The following ACSM3 variants were observed in gnomAD, a reference collection of about 807,000 sequenced individuals.
ACSM3 encodes acyl-coenzyme A synthetase ACSM3, mitochondrial.
Under a neutral mutation model 74.1 loss-of-function variants are expected in ACSM3, and 61 were observed. The observed-to-expected ratio is 0.82, with a 90% CI of 0.67 to 1.02. ACSM3 has a LOEUF of 1.02. ACSM3 is among the 50% of genes least tolerant of loss of function. ACSM3 has a pLI of 0.00. For synonymous variants in ACSM3, 213 were observed against 241.5 expected (o/e 0.88, Z 1.09); for missense variants, 660 against 697.0 (o/e 0.95, Z 0.60).
intron 1 of ACSM3, among the ~76,000 whole-genome samples, chr16:20,713,152 T>C (rs1250598998): frequency 1.3e-5 from 2 of 152,178 alleles, no homozygotes; most frequent in Non-Finnish European, 2.9e-5. Flanking sequence ...ATCTTATCCA[T>C]ACAATGGAGA....
chr16:20,733,221 G>A (rs921444488), intron 1 of ACSM3, among the ~76,000 whole-genome samples: 6 of 152,072 alleles, frequency 3.9e-5, no homozygotes, highest in Non-Finnish European at 7.4e-5. Flanking sequence ...GTTTAAAATT[G>A]CAGGAGTCAA....
At chr16:20,776,095 G>A in intron 3 of ACSM3, 46 bp downstream of exon 3, 1 of 1,592,226 alleles carries the variant, frequency 6.3e-7, no homozygotes, top group South Asian at 1.1e-5. Context: ...TAAGCTGGAG[G>A]GGAGATTTTC....
At chr16:20,780,284 C>A in intron 4 of ACSM3, 1 of 235,626 alleles carries the variant, frequency 4.2e-6, no homozygotes, top group Non-Finnish European at 8.4e-6. Flanking sequence ...GTACCCATGG[C>A]TTTTACTAAC....
In ACSM3 at chr16:20,797,528, C is replaced by T. The variant is rs895011746; in HGVS notation, c.*556C>T. The T allele has an allele frequency of 1.7e-6, 2 of 1,193,190 alleles. No individual in the cohort carries two copies. The highest frequency in any genetic ancestry group is 3.2e-5 in the African/African-American group (2 of 63,202). The allele number at this position is 1,193,190 out of a possible 1,614,324, so 73.9% of individuals were successfully genotyped here. On this transcript the variant is annotated 3_prime_UTR_variant, in exon 14 of 14. Coordinates refer to ENST00000289416, the MANE Select transcript of ACSM3 (RefSeq NM_005622.4). Reference sequence around the variant, plus strand: ...CAAGGTCTAACTATAAAAGAAGGATCATATACTATTGTTGCTTATTATATG... The same window carrying T: ...CAAGGTCTAACTATAAAAGAAGGATTATATACTATTGTTGCTTATTATATG...
intron 1 of ACSM3, among the ~76,000 whole-genome samples, chr16:20,685,841 A>C (rs1433764303): frequency 1.6e-5 from 2 of 123,580 alleles, no homozygotes; most frequent in African/African-American, 5.2e-5. Flanking sequence ...ACAAACAAAA[A>C]AAAAACAAAA....
intron 2 of ACSM3, among the ~76,000 whole-genome samples, chr16:20,751,616 T>C (rs1206271100): frequency 2.6e-5 from 4 of 152,144 alleles, no homozygotes; most frequent in South Asian, 2.1e-4. Flanking sequence ...TAGAGCTCAG[T>C]GGGGCTCGGA....
chr16:20,741,816 G>A (rs996033081), intron 1 of ACSM3: 50 of 1,542,086 alleles, frequency 3.2e-5, no homozygotes, highest in Non-Finnish European at 3.9e-5. Flanking sequence ...GGCGCGAACT[G>A]GTGACGTCGG....
chr16:20,738,780 G>A (rs558183840), intron 1 of ACSM3: 4 of 1,164,448 alleles, frequency 3.4e-6, no homozygotes, highest in Non-Finnish European at 5.0e-6. Flanking sequence ...TACAGAAGCT[G>A]CCATCAAATG....
chr16:20,724,105 C>T (rs1596485606), intron 1 of ACSM3, among the ~76,000 whole-genome samples: 1 of 152,138 alleles, frequency 6.6e-6, no homozygotes, highest in Non-Finnish European at 1.5e-5. Context: ...ATATGGCTAG[C>T]CAGTTTTCCC....
intron 3 of ACSM3, among the ~76,000 whole-genome samples, chr16:20,756,298 A>G (rs371739413): frequency 1.9e-4 from 29 of 151,652 alleles, no homozygotes; most frequent in Non-Finnish European, 2.8e-4. Flanking sequence ...AGCACCTGTT[A>G]TTTCCTGACT....
chr16:20,677,752 C>G (rs2020378773), intron 1 of ACSM3, among the ~76,000 whole-genome samples: 5 of 152,110 alleles, frequency 3.3e-5, no homozygotes, highest in Admixed American at 3.3e-4. Flanking sequence ...GCTTAGAAAG[C>G]AGAGCTAATA....
At chr16:20,698,094 T>C (rs2079699838) in intron 1 of ACSM3, among the ~76,000 whole-genome samples, 1 of 147,406 alleles carries the variant, frequency 6.8e-6, no homozygotes, top group African/African-American at 2.5e-5. Flanking sequence ...CTCGGGAGGC[T>C]GAGGCAGGAG....
chr16:20,678,230 A>G (rs1004377620), intron 1 of ACSM3, among the ~76,000 whole-genome samples: 1 of 152,062 alleles, frequency 6.6e-6, no homozygotes, highest in Admixed American at 6.5e-5. Flanking sequence ...GAGGCTAGCC[A>G]TCCCTGAAAC....
intron 7 of ACSM3, chr16:20,783,262 C>T (rs1231140587): frequency 6.6e-6 from 1 of 152,108 alleles, no homozygotes; most frequent in African/African-American, 2.4e-5. Flanking sequence ...CCTAGCACAC[C>T]CATCACTTGG....
At chr16:20,741,959 A>C in intron 1 of ACSM3, 2 of 1,530,396 alleles carry the variant, frequency 1.3e-6, no homozygotes, top group Non-Finnish European at 1.7e-6. Flanking sequence ...CCGCCTCCCG[A>C]CTGCAACCTG....
At chr16:20,706,111 T>C (rs1269640740) in intron 1 of ACSM3, among the ~76,000 whole-genome samples, 1 of 151,678 alleles carries the variant, frequency 6.6e-6, no homozygotes, top group Admixed American at 6.6e-5. Context: ...TGTGTATACA[T>C]AAAAATTGGA....
chr16:20,728,124 G>A (rs776567879), intron 1 of ACSM3: 1 of 256,838 alleles, frequency 3.9e-6, no homozygotes. Flanking sequence ...TTCAGAAAAT[G>A]AATTTTTGTC....
intron 1 of ACSM3, among the ~76,000 whole-genome samples, chr16:20,732,186 A>G (rs569112068): frequency 6.6e-6 from 1 of 152,304 alleles, no homozygotes; most frequent in South Asian, 2.1e-4. Flanking sequence ...CTTTCATCAA[A>G]TAAGGATTTA....
intron 1 of ACSM3, among the ~76,000 whole-genome samples, chr16:20,709,277 T>G (rs1300977447): frequency 1.3e-5 from 2 of 152,194 alleles, no homozygotes; most frequent in South Asian, 4.1e-4. Flanking sequence ...AAAAATGATA[T>G]TGCTTAACAT....
Sources: gnomAD v4.1 joint callset for allele counts (sites outside exome capture counted in the v4.1 genomes callset) on GRCh38, gnomAD v4.1.1 for gene constraint, MANE v1.5 for transcripts, NCBI Gene and HGNC (gene_info 2026-07-23, HGNC 2026-07-21) for gene names.